The following BLTP1 variants were observed in gnomAD, a reference collection of about 807,000 sequenced individuals.
BLTP1 encodes the protein fragile site-associated protein.
the BLTP1 span, chr4:122,293,266 G>C: frequency 3.0e-6 from 2 of 666,660 alleles, no homozygotes; most frequent in Non-Finnish European, 3.7e-6. Flanking sequence ...CTGTAGTCCA[G>C]GACTCTCACA....
chr4:122,208,135 G>A, the BLTP1 span: 1 of 976,138 alleles, frequency 1.0e-6, no homozygotes, highest in Non-Finnish European at 1.2e-6. Context: ...GGTAAAATTA[G>A]CAACATATAG....
chr4:122,163,657 T>C, the BLTP1 span, among the ~76,000 whole-genome samples: 1 of 152,220 alleles, frequency 6.6e-6, no homozygotes. Flanking sequence ...TTACACACTA[T>C]AACTCTATGA....
the BLTP1 span, chr4:122,190,231 A>G: frequency 9.2e-7 from 1 of 1,086,414 alleles, no homozygotes; most frequent in Non-Finnish European, 1.3e-6. Context: ...TGAGTTGCTA[A>G]GATGACAGGA....
At chr4:122,232,669 C>A in the BLTP1 span, among the ~76,000 whole-genome samples, 2 of 152,028 alleles carry the variant, frequency 1.3e-5, no homozygotes, top group Admixed American at 1.3e-4. Context: ...AAGTAGATTA[C>A]GTTATAGAAG....
chr4:122,166,345 T>G, the BLTP1 span, among the ~76,000 whole-genome samples: 2 of 152,170 alleles, frequency 1.3e-5, no homozygotes, highest in African/African-American at 2.4e-5. Context: ...TTTCCCCATT[T>G]CTTGATTTTG....
chr4:122,227,387 C>G, the BLTP1 span: 1 of 984,958 alleles, frequency 1.0e-6, no homozygotes, highest in East Asian at 1.1e-4. Context: ...TGTGCAGTGG[C>G]AATGAAATGC....
At chr4:122,167,099 G>C in the BLTP1 span, among the ~76,000 whole-genome samples, 2 of 152,092 alleles carry the variant, frequency 1.3e-5, no homozygotes, top group African/African-American at 4.8e-5. Flanking sequence ...AAAGTTTTCT[G>C]CTCCTTTTTA....
chr4:122,290,454 T>C, the BLTP1 span, among the ~76,000 whole-genome samples: 3 of 152,040 alleles, frequency 2.0e-5, no homozygotes, highest in Admixed American at 1.3e-4. Context: ...GCTGGTAAAC[T>C]TATGAGTTCT....
chr4:122,225,156 C>A, the BLTP1 span: 1 of 397,772 alleles, frequency 2.5e-6, no homozygotes, highest in Non-Finnish European at 3.4e-6. Flanking sequence ...TGTCCCAAAG[C>A]AAGATTACAT....
At chr4:122,267,051 ATTTTTTTTTT>A in the BLTP1 span, 392 of 152,236 alleles carry the variant, frequency 2.6e-3, 7 homozygotes, top group African/African-American at 9.4e-3. Context: ...TAAGGAAGTA[ATTTTTTTTTT>A]TTTTTTTTTT....
the BLTP1 span, among the ~76,000 whole-genome samples, chr4:122,161,787 A>G: frequency 6.6e-6 from 1 of 152,208 alleles, no homozygotes; most frequent in South Asian, 2.1e-4. Flanking sequence ...CCCTGAATAC[A>G]TTAGAAATAC....
chr4:122,321,412 GCACATATATACACA>G, the BLTP1 span, among the ~76,000 whole-genome samples: 2 of 151,704 alleles, frequency 1.3e-5, no homozygotes, highest in Admixed American at 1.3e-4. Flanking sequence ...AAATGCGTGT[GCACATATATACACA>G]CACATATATA....
chr4:122,156,889 A>AGAT, the BLTP1 span, among the ~76,000 whole-genome samples: 1 of 152,142 alleles, frequency 6.6e-6, no homozygotes, highest in East Asian at 1.9e-4. Context: ...GGAAGGAAGG[A>AGAT]GATGATGATG....
chr4:122,250,711 G>T, the BLTP1 span: 1 of 874,520 alleles, frequency 1.1e-6, no homozygotes, highest in Non-Finnish European at 1.7e-6. Flanking sequence ...CTGCTTAAAT[G>T]TTAGTCAAAG....
At chr4:122,156,337 C>T in the BLTP1 span, among the ~76,000 whole-genome samples, 2 of 152,086 alleles carry the variant, frequency 1.3e-5, no homozygotes, top group African/African-American at 4.8e-5. Flanking sequence ...TGGAGAACAA[C>T]AGCATTTAAG....
At chr4:122,249,774 T>G in the BLTP1 span, 1 of 1,513,518 alleles carries the variant, frequency 6.6e-7, no homozygotes, top group Non-Finnish European at 8.9e-7. Flanking sequence ...TTCAGTAACC[T>G]GAATCAACAT....
chr4:122,283,547 T>C, the BLTP1 span, among the ~76,000 whole-genome samples: 3 of 152,220 alleles, frequency 2.0e-5, no homozygotes, highest in African/African-American at 4.8e-5. Context: ...GGTCTCACTT[T>C]GTTGCCCAGG....
At chr4:122,203,967 T>C in the BLTP1 span, 1 of 314,724 alleles carries the variant, frequency 3.2e-6, no homozygotes, top group African/African-American at 2.2e-5. Flanking sequence ...TTTTTGTTTA[T>C]TTCACTAGCA....
the BLTP1 span, chr4:122,263,011 T>G: frequency 6.2e-7 from 1 of 1,602,806 alleles, no homozygotes; most frequent in Non-Finnish European, 8.5e-7. Flanking sequence ...GATAATTACA[T>G]GTTTATATTT....
Sources: allele counts gnomAD v4.1 joint callset (sites outside exome capture counted in the v4.1 genomes callset), GRCh38; gene constraint gnomAD v4.1.1; transcripts MANE v1.5; gene names NCBI Gene and HGNC (gene_info 2026-07-23, HGNC 2026-07-21).